Variants in ADAM9 observed in about 807,000 individuals in gnomAD.
The protein encoded by ADAM9 is disintegrin and metalloproteinase domain-containing protein 9.
A neutral mutation model predicts 108.1 loss-of-function variants in ADAM9; 54 were observed. The observed-to-expected ratio is 0.50, with a 90% CI of 0.40 to 0.63. ADAM9 has a LOEUF of 0.63. ADAM9 is among the 20% of genes least tolerant of loss of function. The pLI is 0.00. For synonymous variants in ADAM9, 316 were observed against 336.0 expected, an observed-to-expected ratio of 0.94 and a Z score of 0.65; for missense variants, 830 against 997.7, an observed-to-expected ratio of 0.83 and a Z score of 2.26.
intron 14 of ADAM9, among the ~76,000 whole-genome samples, chr8:39,058,523 C>G (rs1159770188): frequency 6.6e-6 from 1 of 152,136 alleles, no homozygotes; most frequent in East Asian, 1.9e-4. Context: ...AAGAGATGCC[C>G]TAAGGGATCT....
intron 15 of ADAM9, among the ~76,000 whole-genome samples, chr8:39,072,521 T>C (rs1838728245): frequency 6.6e-6 from 1 of 152,226 alleles, no homozygotes; most frequent in Non-Finnish European, 1.5e-5. Flanking sequence ...TAGGGTGTTC[T>C]TCTTCTCCCC....
chr8:39,085,504 A>G (rs1839155889), intron 18 of ADAM9, among the ~76,000 whole-genome samples: 1 of 152,174 alleles, frequency 6.6e-6, no homozygotes, highest in Non-Finnish European at 1.5e-5. Flanking sequence ...CATTTCTTAT[A>G]ATACCAGTGT....
Position 39,103,695 on chromosome 8 carries a change from A to C in ADAM9, c.2455A>C (p.Thr819Pro). The change falls in exon 22 of 22, where the codon ACT becomes CCT. Residue 819 changes from threonine (T) to proline (P), a missense_variant. By Grantham distance (38) the Thr-to-Pro change is conservative. Around this residue, in one of 3 missense-constraint regions of ADAM9, gnomAD observed 238 missense variants for 235.7 expected, o/e 1.01. Transcript: ENST00000487273. Reference protein sequence around the residue: ...APAPPLYSSLT With the variant: ...APAPPLYSSLP Reference sequence around the variant, plus strand: ...TGCACCTCCTTTATATAGTTCCCTCACTTGATTTTTTTAACCTTCTTTTTG... The same window carrying C: ...TGCACCTCCTTTATATAGTTCCCTCCCTTGATTTTTTTAACCTTCTTTTTG... 1 of 1,612,994 alleles carries C rather than the reference A, an allele frequency of 6.2e-7. No individual in the cohort carries two copies. Among genetic ancestry groups the C allele is most frequent in the Non-Finnish European group, 8.5e-7 (1 of 1,179,562 alleles).
At chr8:39,059,526 A>G (rs933442093) in intron 14 of ADAM9, among the ~76,000 whole-genome samples, 1 of 152,204 alleles carries the variant, frequency 6.6e-6, no homozygotes, top group African/African-American at 2.4e-5. Context: ...ATGGATGAGA[A>G]TAGTTGGCTG....
At chr8:39,026,529 G>T (rs1836928229) in intron 10 of ADAM9, 148 bp from the exon 11 acceptor site, 2 of 978,998 alleles carry the variant, frequency 2.0e-6, no homozygotes, top group South Asian at 2.8e-5. Flanking sequence ...AGACTGAAAT[G>T]TATAAAGACT....
Position 39,083,016 on chromosome 8 carries a change from C to T in ADAM9, c.2011C>T (p.Pro671Ser), listed in dbSNP as rs764068049. The T allele has an allele frequency of 1.9e-6, 3 of 1,613,848 alleles. No individual in the cohort carries two copies. The highest frequency in any genetic ancestry group is 2.5e-6 in the Non-Finnish European group (3 of 1,179,832). The change falls in exon 18 of 22, where the codon CCA (proline) becomes TCA (serine). Residue 671 changes from proline (P) to serine (S), a missense_variant. Transcript: ENST00000487273. Reference sequence around the variant, plus strand: ...TCACTGTGAAAATGGCTGGGCTCCCCCAAATTGTGAGACTAAAGGATACGG... The same window carrying T: ...TCACTGTGAAAATGGCTGGGCTCCCTCAAATTGTGAGACTAAAGGATACGG... ...NCHCENGWAP[P>S]NCETKGYGGS...
intron 14 of ADAM9, among the ~76,000 whole-genome samples, chr8:39,065,755 C>CT (rs1367547200): frequency 1.4e-5 from 2 of 144,034 alleles, no homozygotes; most frequent in South Asian, 2.2e-4. Context: ...TAATTTTTTT[C>CT]TTTTTTTTAA....
chr8:39,081,056 C>T (rs1333087352), intron 16 of ADAM9, among the ~76,000 whole-genome samples: 2 of 146,540 alleles, frequency 1.4e-5, no homozygotes, highest in Non-Finnish European at 3.0e-5. Flanking sequence ...TGGGTTCAAA[C>T]GATTCTGCTG....
intron 7 of ADAM9, 132 bp from the exon 8 acceptor site, chr8:39,021,511 T>G (rs1435573544): frequency 1.3e-6 from 1 of 769,012 alleles, no homozygotes; most frequent in African/African-American, 1.7e-5. Context: ...CTCGAACTCC[T>G]GACCTCAGGT....
intron 1 of ADAM9, among the ~76,000 whole-genome samples, chr8:39,004,649 G>C (rs1836104957): frequency 6.6e-6 from 1 of 152,258 alleles, no homozygotes; most frequent in African/African-American, 2.4e-5. Flanking sequence ...GGGCTGCTCA[G>C]CTGAGTATAC....
chr8:39,044,468 T>C (rs994464348), intron 12 of ADAM9, among the ~76,000 whole-genome samples: 1 of 152,154 alleles, frequency 6.6e-6, no homozygotes, highest in East Asian at 1.9e-4. Flanking sequence ...TTATTTTAGA[T>C]TCAGGGGGTA....
chr8:39,077,410 A>G lies in ADAM9; in HGVS notation c.1880A>G (p.Lys627Arg). 3.7e-6 allele frequency: 6 copies of G among 1,607,696 alleles called. No homozygotes were observed. The highest frequency in any genetic ancestry group is 5.1e-6 in the Non-Finnish European group (6 of 1,176,994). Residue 627 changes from lysine (K) to arginine (R), a missense_variant and splice_region_variant, in exon 16 of 22, where the codon AAG (lysine) becomes AGG (arginine). Coordinates refer to ENST00000487273, the MANE Select transcript of ADAM9 (RefSeq NM_003816.3). The stretch of plus-strand genomic sequence containing the variant: ...GAAGGCACAAAATGTGGTGCTGGAA[A>G]GGTAATCAAAATATTTTTTATTTAC... Reference protein sequence around the residue: ...VNEGTKCGAGKICRNFQCVDA... With the variant: ...VNEGTKCGAGRICRNFQCVDA...
intron 20 of ADAM9, among the ~76,000 whole-genome samples, chr8:39,093,278 G>C (rs1452172915): frequency 1.3e-5 from 2 of 152,028 alleles, no homozygotes; most frequent in Non-Finnish European, 2.9e-5. Flanking sequence ...ATGTTTCATA[G>C]ATTTCCTTGT....
At chr8:39,082,565 C>T in intron 16 of ADAM9, 76 bp from the exon 17 acceptor site, 1 of 1,061,722 alleles carries the variant, frequency 9.4e-7, no homozygotes, top group Non-Finnish European at 1.4e-6. Flanking sequence ...TAATCTGTAC[C>T]CAGGTCTTTT....
intron 3 of ADAM9, among the ~76,000 whole-genome samples, chr8:39,012,822 G>T (rs966187859): frequency 1.3e-5 from 2 of 152,162 alleles, no homozygotes; most frequent in African/African-American, 4.8e-5. Context: ...GGGAGGGATA[G>T]CATTAGGAGA....
chr8:39,045,187 CATACATATATGTGTATATATGTGT>C (rs1564298477), intron 12 of ADAM9, among the ~76,000 whole-genome samples: 1 of 100,848 alleles, frequency 9.9e-6, no homozygotes, highest in African/African-American at 3.2e-5. Context: ...TATGTGTATA[CATACATATATGTGTATATATGTGT>C]ATACATACAT....
chr8:39,012,308 C>A (rs1836381074), intron 3 of ADAM9, among the ~76,000 whole-genome samples: 1 of 152,172 alleles, frequency 6.6e-6, no homozygotes, highest in South Asian at 2.1e-4. Flanking sequence ...GTGTACCTAA[C>A]TAAATCGGAC....
At chr8:39,046,775 AT>A (rs113093288) in intron 12 of ADAM9, among the ~76,000 whole-genome samples, 6,242 of 146,488 alleles carry the variant, frequency 0.043, 419 homozygotes, top group African/African-American at 0.14. Context: ...AATTAATTAA[AT>A]TTTTTTTTTT....
chr8:39,055,144 G>T (rs979553819), intron 13 of ADAM9, among the ~76,000 whole-genome samples: 15 of 152,052 alleles, frequency 9.9e-5, no homozygotes, highest in Admixed American at 7.2e-4. Context: ...ATTACTTCCA[G>T]TTACTGCTTA....
Sources: allele counts gnomAD v4.1 joint callset (sites outside exome capture counted in the v4.1 genomes callset), GRCh38; gene constraint gnomAD v4.1.1; regional missense constraint gnomAD v4.1.1; transcripts MANE v1.5; gene names NCBI Gene and HGNC (gene_info 2026-07-23, HGNC 2026-07-21).